The following NMT2 variants were observed in gnomAD, a reference collection of about 807,000 sequenced individuals.
The protein encoded by NMT2 is glycylpeptide N-tetradecanoyltransferase 2.
Under a neutral mutation model 65.4 loss-of-function variants are expected in NMT2, and 35 were observed. That is an observed-to-expected ratio of 0.54 (90% CI 0.41 to 0.71). The LOEUF (loss-of-function observed/expected upper bound fraction) is 0.71, where lower values mean the gene tolerates loss of function less well. Among genes scored for constraint, NMT2 ranks in the 30% least tolerant of loss-of-function variants. The probability of loss-of-function intolerance (pLI) is 0.00; values close to 1 mark genes in which losing one functional copy is unlikely to be tolerated. For missense variants in NMT2, 489 were observed against 611.3 expected, an observed-to-expected ratio of 0.80 and a Z score of 2.11; for synonymous variants, 226 against 231.8, an observed-to-expected ratio of 0.98 and a Z score of 0.23.
rs747529642 is a variant in NMT2, at chr10:15,130,115, C to A, written c.890+27G>T. ...CTCAACATTTTTGATAAAGGGAGGA[C>A]CTGAGGTAGAAATATGGTACTGGTA... On this transcript the variant is annotated intron_variant, in intron 7 of 11. Coordinates refer to ENST00000378165, the MANE Select transcript of NMT2 (RefSeq NM_004808.3). 18 of 1,422,308 alleles carry A rather than the reference C, an allele frequency of 1.3e-5. No individual in the cohort carries two copies. In the African/African-American group the frequency reaches 2.5e-4, roughly 20 times the overall value. The allele number at this position is 1,422,308 out of a possible 1,614,324, so 88.1% of individuals were successfully genotyped here. A position where few individuals can be genotyped will look rare whatever the true frequency, so the allele number is the denominator to read the frequency against.
chr10:15,114,471 AAAAC>A (rs1245421018), intron 9 of NMT2, among the ~76,000 whole-genome samples: 39 of 152,264 alleles, frequency 2.6e-4, no homozygotes, highest in African/African-American at 9.1e-4. Flanking sequence ...ACAAAACAAA[AAAAC>A]CCCGCTCACA....
chr10:15,133,114 TC>T lies in NMT2; in HGVS notation c.540del (p.Asn181IlefsTer3). The T allele has an allele frequency of 6.2e-7, 1 of 1,614,030 alleles. No homozygotes were observed. The highest frequency in any genetic ancestry group is 8.5e-7 in the Non-Finnish European group (1 of 1,179,890). ...ATATTGTCATCATCTTCTACGTAAT[TC>T]TCATTTAACAACGTGTATAACTCCT... ...VLKELYTLLN[E>X]NYVEDDDNMF... On this transcript the variant is annotated frameshift_variant, in exon 5 of 12. Transcript: ENST00000378165. LOFTEE classifies it high-confidence loss of function.
chr10:15,123,473 G>A lies in NMT2; in HGVS notation c.1000-3960C>T, dbSNP rs536106099. 5.7e-3 allele frequency among the ~76,000 whole-genome samples: 835 copies of A among 145,648 alleles called. 3 individuals are homozygous for A. The highest frequency in any genetic ancestry group is 9.9e-3 in the Non-Finnish European group (660 of 66,950). On this transcript the variant is annotated intron_variant, in intron 8 of 11. Coordinates refer to ENST00000378165, the MANE Select transcript of NMT2 (RefSeq NM_004808.3). ...GCATCCAGGAGGCGGGGGTTGCAGT[G>A]AGCCAAGATCGCATCACTGCACTCC...
chr10:15,156,283 A>G (rs1254789901), intron 1 of NMT2, among the ~76,000 whole-genome samples: 1 of 152,062 alleles, frequency 6.6e-6, no homozygotes, highest in Non-Finnish European at 1.5e-5. Context: ...CGATTTTATA[A>G]AGGGCTTTCA....
At chr10:15,147,095 C>CAAAAAAAAAAA (rs34668178) in intron 1 of NMT2, among the ~76,000 whole-genome samples, 22 of 44,518 alleles carry the variant, frequency 4.9e-4, no homozygotes, top group African/African-American at 6.0e-4. Context: ...CTCTCGCTCT[C>CAAAAAAAAAAA]AAAAAAAAAA....
intron 8 of NMT2, 133 bp downstream of exon 8, chr10:15,128,217 T>C: frequency 1.5e-6 from 1 of 647,600 alleles, no homozygotes; most frequent in Non-Finnish European, 2.7e-6. Context: ...CCGAGTTCCA[T>C]GAAATCTCTT....
At chr10:15,143,774 T>C (rs1459679159) in intron 1 of NMT2, among the ~76,000 whole-genome samples, 5 of 151,964 alleles carry the variant, frequency 3.3e-5, no homozygotes, top group Admixed American at 1.3e-4. Flanking sequence ...GGTGGGAGGA[T>C]CACTTGAGCC....
At chr10:15,159,994 C>T (rs17271755) in intron 1 of NMT2, among the ~76,000 whole-genome samples, 12,297 of 152,136 alleles carry the variant, frequency 0.081, 690 homozygotes, top group East Asian at 0.13. Flanking sequence ...ATAGTGGCTG[C>T]GGAAGGCTTC....
At chr10:15,154,590 ATT>A (rs1191994660) in intron 1 of NMT2, among the ~76,000 whole-genome samples, 2 of 152,100 alleles carry the variant, frequency 1.3e-5, no homozygotes, top group Non-Finnish European at 2.9e-5. Flanking sequence ...GATTATTATT[ATT>A]TTTTGTTAGT....
intron 1 of NMT2, among the ~76,000 whole-genome samples, chr10:15,164,205 A>T (rs1240960415): frequency 6.9e-6 from 1 of 144,880 alleles, no homozygotes; most frequent in African/African-American, 2.6e-5. Context: ...AAAAAAAAAA[A>T]AGGTCTTAAC....
intron 9 of NMT2, among the ~76,000 whole-genome samples, chr10:15,114,729 A>C (rs971577167): frequency 1.3e-5 from 2 of 152,190 alleles, no homozygotes; most frequent in Non-Finnish European, 2.9e-5. Context: ...AGGGCTGGGC[A>C]TGGTGGCTCA....
At chr10:15,161,663 AG>A (rs1833203954) in intron 1 of NMT2, among the ~76,000 whole-genome samples, 1 of 152,068 alleles carries the variant, frequency 6.6e-6, no homozygotes, top group African/African-American at 2.4e-5. Flanking sequence ...CCTGGCCGGG[AG>A]GATGTGTTTT....
At chr10:15,148,865 C>A (rs955364176) in intron 1 of NMT2, among the ~76,000 whole-genome samples, 10 of 152,080 alleles carry the variant, frequency 6.6e-5, no homozygotes, top group Non-Finnish European at 1.2e-4. Flanking sequence ...AAGCACTTGA[C>A]AAAAGAGGCA....
intron 9 of NMT2, among the ~76,000 whole-genome samples, chr10:15,117,129 C>T (rs1440228494): frequency 6.6e-6 from 1 of 152,186 alleles, no homozygotes; most frequent in Non-Finnish European, 1.5e-5. Flanking sequence ...AGATATCTCT[C>T]ATGAACTCAA....
chr10:15,124,342 G>C (rs186793247), intron 8 of NMT2, among the ~76,000 whole-genome samples: 2 of 152,332 alleles, frequency 1.3e-5, no homozygotes, highest in African/African-American at 4.8e-5. Flanking sequence ...CAGGCCCTGC[G>C]ACAGCTCTGC....
chr10:15,154,979 G>A (rs1282594024), intron 1 of NMT2: 1 of 1,154,388 alleles, frequency 8.7e-7, no homozygotes, highest in Admixed American at 1.7e-5. Context: ...CGTTTGTGTT[G>A]GGTCCAGCAT....
At position 15,106,244 on chromosome 10, in the gene NMT2, C is replaced by G. The variant is rs960775505; in HGVS notation, c.*2951G>C. 2 of 175,550 alleles carry G rather than the reference C, an allele frequency of 1.1e-5. No individual in the cohort carries two copies. Among genetic ancestry groups the G allele is most frequent in the African/African-American group, 4.8e-5 (2 of 41,550 alleles). 10.9% of individuals were successfully genotyped at this position (175,550 alleles called of 1,614,324 possible). A position where few individuals can be genotyped will look rare whatever the true frequency, so the allele number is the denominator to read the frequency against. ...TCCTGACCTCAAGTGATCTGCTCACCTTGGCCTCCCAAAGTGCAGGGATTA... is the reference window on the plus strand; with the variant it reads ...TCCTGACCTCAAGTGATCTGCTCACGTTGGCCTCCCAAAGTGCAGGGATTA... On this transcript the variant is annotated 3_prime_UTR_variant, in exon 12 of 12. Coordinates refer to ENST00000378165, the MANE Select transcript of NMT2 (RefSeq NM_004808.3).
In NMT2 at chr10:15,112,857, T is replaced by C. The variant is rs1157634182; in HGVS notation, c.1277A>G (p.Asn426Ser). 6.2e-7 allele frequency: 1 copy of C among 1,614,056 alleles called. No individual in the cohort carries two copies. The highest frequency in any genetic ancestry group is 2.2e-5 in the East Asian group (1 of 44,848). ...CAGCAGGGGCGTCTCTGTGTGGATG[T>C]TGTAGAATGAGTAGGCGGCTTTGAG... Reference protein sequence around the residue: ...KSLKAAYSFYNIHTETPLLDL... With the variant: ...KSLKAAYSFYSIHTETPLLDL... Residue 426 changes from asparagine to serine, a missense_variant, in exon 10 of 12, where the codon AAC becomes AGC. By Grantham distance (46) the Asn-to-Ser change is conservative. Transcript: ENST00000378165.
intron 9 of NMT2, among the ~76,000 whole-genome samples, chr10:15,115,746 G>A (rs959719448): frequency 1.3e-5 from 2 of 152,138 alleles, no homozygotes; most frequent in Admixed American, 6.5e-5. Context: ...AAAGTAAAAG[G>A]ATGGAAAAAG....
Sources: gnomAD v4.1 joint callset for allele counts (sites outside exome capture counted in the v4.1 genomes callset) on GRCh38, gnomAD v4.1.1 for gene constraint, MANE v1.5 for transcripts, NCBI Gene and HGNC (gene_info 2026-07-23, HGNC 2026-07-21) for gene names.